Variants in OXR1 observed in about 807,000 individuals in gnomAD.
The protein encoded by OXR1 is oxidation resistance 1, also known as oxidation resistance protein 1.
In OXR1, 41 loss-of-function variants were observed where a neutral mutation model predicts 104.6. The ratio of observed to expected loss-of-function variants is 0.39; its 90% confidence interval spans 0.31 to 0.51. OXR1 has a LOEUF of 0.51. Ranked by LOEUF, OXR1 falls within the 20% of genes least tolerant of loss-of-function variation. OXR1 has a pLI of 0.77. For missense variants in OXR1, 955 were observed against 1,031.9 expected (o/e 0.93, Z 1.02); for synonymous variants, 348 against 348.4 (o/e 1.00, Z 0.01).
At chr8:106,419,439 A>G (rs1818814701) in intron 2 of OXR1, among the ~76,000 whole-genome samples, 1 of 152,148 alleles carries the variant, frequency 6.6e-6, no homozygotes, top group African/African-American at 2.4e-5. Context: ...TGGAGTCTGG[A>G]TCTAGTCTAT....
chr8:106,518,505 T>C (rs916761163), intron 2 of OXR1, among the ~76,000 whole-genome samples: 1 of 152,200 alleles, frequency 6.6e-6, no homozygotes, highest in Non-Finnish European at 1.5e-5. Flanking sequence ...GCTAAGATGC[T>C]GTATAGATTA....
intron 2 of OXR1, among the ~76,000 whole-genome samples, chr8:106,370,499 A>G (rs1816659230): frequency 6.6e-6 from 1 of 152,212 alleles, no homozygotes; most frequent in Non-Finnish European, 1.5e-5. Flanking sequence ...GAATGAGTCT[A>G]GCTTTTGCCC....
chr8:106,399,943 GATTA>G (rs1304813032), intron 2 of OXR1, among the ~76,000 whole-genome samples: 2 of 152,072 alleles, frequency 1.3e-5, no homozygotes, highest in South Asian at 4.1e-4. Context: ...CCTTGTTTCT[GATTA>G]ATTAAAGAAA....
chr8:106,721,177 A>G (rs544975625), intron 11 of OXR1, among the ~76,000 whole-genome samples: 3 of 151,832 alleles, frequency 2.0e-5, no homozygotes, highest in South Asian at 4.2e-4. Context: ...TTATGCTAAC[A>G]TTGCTTTTTG....
intron 2 of OXR1, among the ~76,000 whole-genome samples, chr8:106,431,520 C>T (rs1007363023): frequency 3.3e-5 from 5 of 152,120 alleles, no homozygotes; most frequent in East Asian, 1.9e-4. Flanking sequence ...AAAGCTAGAA[C>T]GAATTTAAAA....
intron 2 of OXR1, among the ~76,000 whole-genome samples, chr8:106,463,995 A>G (rs1821046549): frequency 6.6e-6 from 1 of 152,098 alleles, no homozygotes; most frequent in African/African-American, 2.4e-5. Flanking sequence ...CAATTGCAGA[A>G]TGTAGTTATA....
intron 1 of OXR1, among the ~76,000 whole-genome samples, chr8:106,355,616 G>C (rs1180287131): frequency 6.6e-6 from 1 of 152,016 alleles, no homozygotes; most frequent in Non-Finnish European, 1.5e-5. Context: ...GAATGTTAGA[G>C]TGATTAGTAT....
intron 3 of OXR1, among the ~76,000 whole-genome samples, chr8:106,613,230 G>A (rs998612676): frequency 6.6e-6 from 1 of 152,106 alleles, no homozygotes. Context: ...TGGCTGAATC[G>A]CCAGTAACCC....
At chr8:106,571,103 T>C (rs1211848185) in intron 3 of OXR1, among the ~76,000 whole-genome samples, 2 of 151,890 alleles carry the variant, frequency 1.3e-5, no homozygotes, top group Non-Finnish European at 2.9e-5. Flanking sequence ...GAGGAATATA[T>C]GCTAGGTGGC....
intron 2 of OXR1, among the ~76,000 whole-genome samples, chr8:106,442,096 C>G (rs934596797): frequency 5.3e-5 from 8 of 152,104 alleles, no homozygotes; most frequent in African/African-American, 1.9e-4. Flanking sequence ...CCATAAATAC[C>G]TAGTTTCTTG....
At chr8:106,666,420 T>C (rs1397448671) in intron 3 of OXR1, among the ~76,000 whole-genome samples, 2 of 152,228 alleles carry the variant, frequency 1.3e-5, no homozygotes, top group East Asian at 3.8e-4. Flanking sequence ...ATTTGCTCTA[T>C]CTAATATGGT....
chr8:106,514,196 T>C (rs1460967308), intron 2 of OXR1, among the ~76,000 whole-genome samples: 1 of 152,144 alleles, frequency 6.6e-6, no homozygotes, highest in East Asian at 1.9e-4. Flanking sequence ...GGGTACTTTA[T>C]CTCGTGCACA....
At chr8:106,662,028 G>A (rs1825816380) in intron 3 of OXR1, among the ~76,000 whole-genome samples, 1 of 152,178 alleles carries the variant, frequency 6.6e-6, no homozygotes, top group Admixed American at 6.5e-5. Flanking sequence ...CTTAGTGGGA[G>A]GATGACAATG....
intron 3 of OXR1, among the ~76,000 whole-genome samples, chr8:106,614,174 G>C (rs1360036932): frequency 1.3e-5 from 2 of 152,070 alleles, no homozygotes; most frequent in South Asian, 2.1e-4. Context: ...TCTTGGAAAG[G>C]CTTGTTTTTA....
chr8:106,620,022 A>G (rs1434010625), intron 3 of OXR1, among the ~76,000 whole-genome samples: 1 of 152,130 alleles, frequency 6.6e-6, no homozygotes, highest in Non-Finnish European at 1.5e-5. Flanking sequence ...TGTCTTCAGC[A>G]GTGGTCATTG....
intron 2 of OXR1, among the ~76,000 whole-genome samples, chr8:106,399,146 A>G (rs1817902890): frequency 6.6e-6 from 1 of 152,204 alleles, no homozygotes; most frequent in Non-Finnish European, 1.5e-5. Context: ...CACTAAGCCT[A>G]CTAAATGATC....
chr8:106,393,476 T>G (rs1198552517), intron 2 of OXR1, among the ~76,000 whole-genome samples: 1 of 152,160 alleles, frequency 6.6e-6, no homozygotes, highest in Non-Finnish European at 1.5e-5. Context: ...TGATCTATTT[T>G]TAACAGTCTA....
At chr8:106,658,882 T>G (rs1309439480) in intron 3 of OXR1, among the ~76,000 whole-genome samples, 1 of 152,188 alleles carries the variant, frequency 6.6e-6, no homozygotes, top group Non-Finnish European at 1.5e-5. Flanking sequence ...CTTAAAGAAT[T>G]TTTGAAAGTG....
At chr8:106,484,817 G>A (rs1231125830) in intron 2 of OXR1, among the ~76,000 whole-genome samples, 1 of 151,828 alleles carries the variant, frequency 6.6e-6, no homozygotes, top group African/African-American at 2.4e-5. Flanking sequence ...CTTACCACAT[G>A]ACCCAGCAAT....
Sources: gnomAD v4.1 joint callset for allele counts (sites outside exome capture counted in the v4.1 genomes callset) on GRCh38, gnomAD v4.1.1 for gene constraint, MANE v1.5 for transcripts, NCBI Gene and HGNC (gene_info 2026-07-23, HGNC 2026-07-21) for gene names.